SLC9A9: variants seen among roughly 807,000 people sequenced by gnomAD.
The protein encoded by SLC9A9 is solute carrier family 9 member A9.
A neutral mutation model predicts 77.8 loss-of-function variants in SLC9A9; 62 were observed. The ratio of observed to expected loss-of-function variants is 0.80; its 90% CI spans 0.65 to 0.98. The LOEUF (loss-of-function observed/expected upper bound fraction) is 0.98. Among genes scored for constraint, SLC9A9 ranks in the 50% least tolerant of loss-of-function variants. SLC9A9 has a pLI of 0.00. For missense variants in SLC9A9, 775 were observed against 774.9 expected, an observed-to-expected ratio of 1.00 and a Z score of 0.00; for synonymous variants, 320 against 283.5, an observed-to-expected ratio of 1.13 and a Z score of -1.29.
At chr3:143,674,604 G>A (rs939323085) in intron 5 of SLC9A9, among the ~76,000 whole-genome samples, 1 of 152,056 alleles carries the variant, frequency 6.6e-6, no homozygotes, top group Non-Finnish European at 1.5e-5. Flanking sequence ...TTTGGGCAAG[G>A]GAGACAAACA....
chr3:143,350,529 A>AC (rs1288022987), intron 14 of SLC9A9, among the ~76,000 whole-genome samples: 2 of 151,934 alleles, frequency 1.3e-5, no homozygotes, highest in Non-Finnish European at 2.9e-5. Flanking sequence ...TCCTCACTTA[A>AC]CCCCAAGCAC....
chr3:143,637,950 C>T (rs2038553728), intron 6 of SLC9A9, among the ~76,000 whole-genome samples: 1 of 152,156 alleles, frequency 6.6e-6, no homozygotes, highest in Admixed American at 6.5e-5. Context: ...AAGCCAACTG[C>T]ATACATGCAT....
Position 143,495,297 on chromosome 3 carries a change from T to G in SLC9A9, c.1203+38A>C, listed in dbSNP as rs1428353879. ...TCGTAAAAGTAAGTCATTCGTTATC[T>G]TCTCTAATCACCCCATGTTCTGTAT... is the stretch of plus-strand genomic sequence containing the variant. On this transcript the variant is annotated intron_variant, in intron 10 of 15. Transcript: ENST00000316549. 3 of 1,500,188 alleles carry G rather than the reference T, an allele frequency of 2.0e-6. No homozygotes were observed. The South Asian group carries it at 3.4e-5, about 17-fold the overall frequency. The allele number at this position is 1,500,188 out of a possible 1,614,324, so 92.9% of individuals were successfully genotyped here.
Position 143,848,140 on chromosome 3 carries a change from G to T in SLC9A9, c.175+8C>A. On this transcript the variant is annotated splice_region_variant and intron_variant, in intron 1 of 15. Transcript: ENST00000316549. ...GTTTCACATCAATCTCACAATTTATGCACTCACCATACACCATTGCTCCTC... is the reference window on the plus strand; with the variant it reads ...GTTTCACATCAATCTCACAATTTATTCACTCACCATACACCATTGCTCCTC... 1 of 1,610,164 alleles carries T rather than the reference G, an allele frequency of 6.2e-7. No homozygotes were observed.
chr3:143,502,832 G>C (rs2035948239), intron 9 of SLC9A9, among the ~76,000 whole-genome samples: 1 of 151,924 alleles, frequency 6.6e-6, no homozygotes, highest in African/African-American at 2.4e-5. Flanking sequence ...ATTAATCTTG[G>C]CTTATATTTT....
At chr3:143,587,238 G>T (rs2037556556) in intron 6 of SLC9A9, among the ~76,000 whole-genome samples, 1 of 152,176 alleles carries the variant, frequency 6.6e-6, no homozygotes, top group African/African-American at 2.4e-5. Context: ...TAGCACTGAA[G>T]GTACTGCAGG....
At chr3:143,769,074 A>G (rs2007425682) in intron 4 of SLC9A9, among the ~76,000 whole-genome samples, 2 of 152,200 alleles carry the variant, frequency 1.3e-5, no homozygotes, top group African/African-American at 4.8e-5. Flanking sequence ...AAGAAACAAC[A>G]TGATAGCATT....
rs570517838 is a variant in SLC9A9, at chr3:143,719,127, C to A, written c.534-25820G>T. ...GACACAACACACACTTACTGAGAAG[C>A]TTTATCTGTGGGCATTTATGTTCCA... On this transcript the variant is annotated intron_variant, in intron 4 of 15. Transcript: ENST00000316549. 5.5e-4 allele frequency among the ~76,000 whole-genome samples: 84 copies of A among 152,296 alleles called. 1 individual carries two copies. Among genetic ancestry groups the A allele is most frequent in the African/African-American group, 1.9e-3 (79 of 41,576 alleles).
intron 4 of SLC9A9, among the ~76,000 whole-genome samples, chr3:143,710,494 C>T (rs1050264298): frequency 3.3e-5 from 5 of 152,194 alleles, no homozygotes; most frequent in Non-Finnish European, 5.9e-5. Context: ...TGCCATTTCT[C>T]CTCACATATG....
At chr3:143,554,704 C>G (rs529442960) in intron 8 of SLC9A9, among the ~76,000 whole-genome samples, 1 of 152,282 alleles carries the variant, frequency 6.6e-6, no homozygotes, top group African/African-American at 2.4e-5. Context: ...CTTCCCCACT[C>G]CCCACAACTT....
At chr3:143,583,236 T>A (rs2037486204) in intron 6 of SLC9A9, among the ~76,000 whole-genome samples, 1 of 152,126 alleles carries the variant, frequency 6.6e-6, no homozygotes, top group South Asian at 2.1e-4. Context: ...ATTCATTCTG[T>A]TCAACAATAG....
At chr3:143,281,340 T>A (rs1442422154) in intron 14 of SLC9A9, among the ~76,000 whole-genome samples, 3 of 152,100 alleles carry the variant, frequency 2.0e-5, no homozygotes, top group Admixed American at 6.5e-5. Context: ...CACAGTGTAG[T>A]CTAACCTATT....
intron 14 of SLC9A9, among the ~76,000 whole-genome samples, chr3:143,273,276 T>TC (rs972949176): frequency 6.6e-6 from 1 of 152,066 alleles, no homozygotes; most frequent in Non-Finnish European, 1.5e-5. Flanking sequence ...AATGTCTGCA[T>TC]CCCCCCACCC....
At chr3:143,765,031 CTCTT>C (rs2007263902) in intron 4 of SLC9A9, among the ~76,000 whole-genome samples, 1 of 147,652 alleles carries the variant, frequency 6.8e-6, no homozygotes, top group African/African-American at 2.5e-5. Context: ...CTTTCTTTCT[CTCTT>C]TCTCTTTCTT....
At chr3:143,688,845 C>G (rs10935501) in intron 5 of SLC9A9, among the ~76,000 whole-genome samples, 65,510 of 151,784 alleles carry the variant, frequency 0.43, 14,315 homozygotes, top group South Asian at 0.6. Flanking sequence ...ATATGACAGA[C>G]AAAAGATTCA....
chr3:143,398,825 C>T (rs1397731316), intron 12 of SLC9A9, among the ~76,000 whole-genome samples: 1 of 152,068 alleles, frequency 6.6e-6, no homozygotes, highest in African/African-American at 2.4e-5. Flanking sequence ...TAACAGTTGC[C>T]AAAACTATTG....
intron 2 of SLC9A9, among the ~76,000 whole-genome samples, chr3:143,800,778 T>A (rs2008529535): frequency 6.6e-6 from 1 of 152,180 alleles, no homozygotes; most frequent in Non-Finnish European, 1.5e-5. Flanking sequence ...CTCCTTTGAG[T>A]CTTCCTAACA....
At chr3:143,730,507 G>A (rs1934773321) in intron 4 of SLC9A9, among the ~76,000 whole-genome samples, 1 of 151,956 alleles carries the variant, frequency 6.6e-6, no homozygotes, top group Admixed American at 6.6e-5. Flanking sequence ...CTTTCTTCTG[G>A]CCAAGTTCTG....
At position 143,533,419 on chromosome 3, in the gene SLC9A9, GTAGGCAT is replaced by G. The variant is rs539189167; in HGVS notation, c.1089+18936_1089+18942del. 2.3e-3 allele frequency among the ~76,000 whole-genome samples: 349 copies of G among 152,272 alleles called. 4 individuals carry two copies. The highest frequency in any genetic ancestry group is 7.9e-3 in the African/African-American group (329 of 41,532). ...CAATATTTGTATCCTTTGACTTCTG[GTAGGCAT>G]TAGGCCAGGTATTAATAATTCCAGA... is the stretch of plus-strand genomic sequence containing the variant. On this transcript the variant is annotated intron_variant, in intron 9 of 15. Transcript: ENST00000316549.
Sources: gnomAD v4.1 joint callset for allele counts (sites outside exome capture counted in the v4.1 genomes callset) on GRCh38, gnomAD v4.1.1 for gene constraint, MANE v1.5 for transcripts, NCBI Gene and HGNC (gene_info 2026-07-23, HGNC 2026-07-21) for gene names.